Variants in LMTK2 observed in about 807,000 individuals in gnomAD.
LMTK2 encodes serine/threonine-protein kinase LMTK2.
A neutral mutation model predicts 127.5 loss-of-function variants in LMTK2; 37 were observed. That is an observed-to-expected ratio of 0.29 (90% CI 0.22 to 0.38). LMTK2 has a LOEUF of 0.38. Among genes scored for constraint, LMTK2 ranks in the 10% least tolerant of loss-of-function variants. LMTK2 has a pLI of 1.00. For synonymous variants in LMTK2, 819 were observed against 810.1 expected, an observed-to-expected ratio of 1.01 and a Z score of -0.19; for missense variants, 1,694 against 1,920.3, an observed-to-expected ratio of 0.88 and a Z score of 2.20.
At chr7:98,173,543 T>G (rs959733933) in intron 7 of LMTK2, among the ~76,000 whole-genome samples, 1 of 152,192 alleles carries the variant, frequency 6.6e-6, no homozygotes, top group Non-Finnish European at 1.5e-5. Context: ...GGTTTAATTT[T>G]AAAAGAGCAT....
At chr7:98,167,811 G>A (rs752604053) in intron 6 of LMTK2, among the ~76,000 whole-genome samples, 2 of 152,220 alleles carry the variant, frequency 1.3e-5, no homozygotes, top group African/African-American at 4.8e-5. Context: ...CCAGGACGGA[G>A]CTCCAGGGTC....
rs754608036 is a variant in LMTK2 at position 98,194,126 on chromosome 7, C to T, written c.3661C>T (p.Arg1221Cys). The T allele has an allele frequency of 8.7e-6, 14 of 1,613,966 alleles. No individual in the cohort carries two copies. Among genetic ancestry groups the T allele is most frequent in the East Asian group, 6.7e-5 (3 of 44,890 alleles). The stretch of plus-strand genomic sequence containing the variant: ...CGATGACTTCGAGACACAGGACGAT[C>T]GCCCCTGCACCCTCGCTTCCACGGG... ...SGDDFETQDD[R>C]PCTLASTGTN... Residue 1221 changes from arginine to cysteine, a missense_variant, in exon 11 of 14, where the codon CGC becomes TGC. Arg to Cys is a radical substitution (Grantham distance 180, BLOSUM62 -3). Around this residue, in one of 8 missense-constraint regions of LMTK2, gnomAD observed 554 missense variants for 567.7 expected, o/e 0.98. Transcript: ENST00000297293. This position sits in a 1 kb window ranked among gnomAD's most constrained non-coding sequence, Gnocchi z 5.4.
In LMTK2 at chr7:98,107,213, G is replaced by A; in HGVS notation, c.36G>A (p.Leu12=). ...CGCCGGCGTTGCGGCGGAGGCTGCT[G>A]CTGCTGCTGCTGGTCCTCCTGATCG... ...PGPPALRRRL[L]LLLLVLLIAG... is the part of the protein sequence containing the mutation. The change falls in exon 1 of 14, where the codon CTG becomes CTA. Residue 12 remains leucine (L), a synonymous_variant. Coordinates refer to ENST00000297293, the MANE Select transcript of LMTK2 (RefSeq NM_014916.4). The A allele has an allele frequency of 6.8e-7, 1 of 1,463,678 alleles. No individual in the cohort carries two copies. Among genetic ancestry groups the A allele is most frequent in the South Asian group, 1.3e-5 (1 of 76,084 alleles). 90.7% of individuals were successfully genotyped at this position (1,463,678 alleles called of 1,614,324 possible). A position where few individuals can be genotyped will look rare whatever the true frequency, so the allele number is the denominator to read the frequency against.
chr7:98,143,076 A>T (rs931219023), intron 3 of LMTK2, among the ~76,000 whole-genome samples: 5 of 152,226 alleles, frequency 3.3e-5, no homozygotes, highest in African/African-American at 1.2e-4. Flanking sequence ...TTCAGGATCT[A>T]CTGGGGATGG....
In LMTK2 at chr7:98,187,381, T is replaced by G. The variant is rs796568707; in HGVS notation, c.998+383T>G. ...TTATAGGAGTCAGTTTAATGGGAGC[T>G]AAAAAGATGCACCTAAAACTTTGAC... On this transcript the variant is annotated intron_variant, in intron 9 of 13. Transcript: ENST00000297293. 3.7e-4 allele frequency among the ~76,000 whole-genome samples: 57 copies of G among 152,310 alleles called. 1 individual carries two copies. The highest frequency in any genetic ancestry group is 1.3e-3 in the African/African-American group (55 of 41,554).
At chr7:98,167,871 A>G (rs1797125399) in intron 6 of LMTK2, among the ~76,000 whole-genome samples, 1 of 152,046 alleles carries the variant, frequency 6.6e-6, no homozygotes, top group African/African-American at 2.4e-5. Context: ...CCGAGGAAGG[A>G]GCGGCCAGTG....
chr7:98,131,790 C>T (rs991321687), intron 1 of LMTK2, among the ~76,000 whole-genome samples: 2 of 152,288 alleles, frequency 1.3e-5, no homozygotes. Context: ...TTCCTGATCC[C>T]TATTACCCGA....
At chr7:98,114,229 G>GT (rs200821705) in intron 1 of LMTK2, among the ~76,000 whole-genome samples, 6,766 of 143,186 alleles carry the variant, frequency 0.047, 227 homozygotes, top group South Asian at 0.14. Flanking sequence ...TATTATATGT[G>GT]TTTTTTTAAA....
At chr7:98,173,284 AAAC>A (rs2116428087) in intron 7 of LMTK2, among the ~76,000 whole-genome samples, 2 of 152,088 alleles carry the variant, frequency 1.3e-5, no homozygotes, top group South Asian at 4.2e-4. Flanking sequence ...TTACGATAGT[AAAC>A]AAATCATTCT....
At chr7:98,125,869 G>A (rs1796435894) in intron 1 of LMTK2, among the ~76,000 whole-genome samples, 1 of 152,160 alleles carries the variant, frequency 6.6e-6, no homozygotes, top group Non-Finnish European at 1.5e-5. Context: ...GAAGTAGAGA[G>A]AAGAGCATAA....
chr7:98,188,480 T>TAG (rs1287671822), intron 9 of LMTK2, among the ~76,000 whole-genome samples: 2 of 152,156 alleles, frequency 1.3e-5, no homozygotes, highest in Admixed American at 1.3e-4. Flanking sequence ...ATTTTTTTAG[T>TAG]AGAGACGAGG....
chr7:98,150,150 A>C (rs1796831734), intron 3 of LMTK2, among the ~76,000 whole-genome samples: 1 of 152,102 alleles, frequency 6.6e-6, no homozygotes, highest in Non-Finnish European at 1.5e-5. Flanking sequence ...TCTACTAAAA[A>C]TACAAAAAGT....
chr7:98,164,851 G>A (rs772030250), intron 6 of LMTK2, among the ~76,000 whole-genome samples: 6 of 152,224 alleles, frequency 3.9e-5, no homozygotes, highest in Non-Finnish European at 8.8e-5. Flanking sequence ...CTTTCTTATT[G>A]GTCAGCAATT....
rs367830342 is a variant in LMTK2, at chr7:98,146,063, CTG to C, written c.376+4524_376+4525del. ...GTCTCACTTAACAGTGTTTGAGAGA[CTG>C]TTGTTTTCCTATTGAATTGTCCTGG... On this transcript the variant is annotated intron_variant, in intron 3 of 13. Coordinates refer to ENST00000297293, the MANE Select transcript of LMTK2 (RefSeq NM_014916.4). Among the ~76,000 whole-genome samples the C allele has an allele frequency of 4.3e-3, 650 of 152,236 alleles. 3 individuals carry two copies. Among genetic ancestry groups the C allele is most frequent in the African/African-American group, 0.014 (583 of 41,532 alleles).
Position 98,192,748 on chromosome 7 carries a change from G to A in LMTK2, c.2283G>A (p.Thr761=), listed in dbSNP as rs56123416. ...GTTTTACTGAAGCTATGTTAGAAACGTCATGTAGAAACTCTTTAGATACTG... is the reference window on the plus strand; with the variant it reads ...GTTTTACTGAAGCTATGTTAGAAACATCATGTAGAAACTCTTTAGATACTG... The part of the protein sequence containing the change: ...NAGFTEAMLE[T]SCRNSLDTEL... The change falls in exon 11 of 14, where the codon ACG becomes ACA. Residue 761 remains threonine (T), a synonymous_variant. Transcript: ENST00000297293. 0.016 allele frequency: 25,638 copies of A among 1,613,406 alleles called. 274 individuals carry two copies. The highest frequency in any genetic ancestry group is 0.019 in the Non-Finnish European group (22,432 of 1,179,698).
chr7:98,200,363 GTAT>G (rs1438619561), intron 11 of LMTK2, among the ~76,000 whole-genome samples: 1 of 152,220 alleles, frequency 6.6e-6, no homozygotes, highest in Non-Finnish European at 1.5e-5. Flanking sequence ...GAAATGAATA[GTAT>G]TATACAGTTG....
At chr7:98,128,648 G>T (rs1418339701) in intron 1 of LMTK2, among the ~76,000 whole-genome samples, 1 of 152,170 alleles carries the variant, frequency 6.6e-6, no homozygotes, top group Non-Finnish European at 1.5e-5. Context: ...ATAGAGGTCC[G>T]AGGGCTGTGG....
intron 9 of LMTK2, among the ~76,000 whole-genome samples, chr7:98,188,363 G>A (rs1797471764): frequency 6.6e-6 from 1 of 152,010 alleles, no homozygotes; most frequent in African/African-American, 2.4e-5. Context: ...AGGACTCCTG[G>A]ACCATTTCTC....
Position 98,171,426 on chromosome 7 carries a change from C to A in LMTK2, c.658-115C>A. On this transcript the variant is annotated intron_variant, in intron 6 of 13. Coordinates refer to ENST00000297293, the MANE Select transcript of LMTK2 (RefSeq NM_014916.4). The surrounding 1 kb of genome is among the most constrained non-coding windows in gnomAD (Gnocchi z 5.1). ...GGGTTGGAACTTCTTTAAGTATGAACAAAAGAAGTTTCTAATAAATAATCT... is the reference window on the plus strand; with the variant it reads ...GGGTTGGAACTTCTTTAAGTATGAAAAAAAGAAGTTTCTAATAAATAATCT... 7.4e-7 allele frequency: 1 copy of A among 1,358,042 alleles called. No homozygotes were observed. Among genetic ancestry groups the A allele is most frequent in the Non-Finnish European group, 1.0e-6 (1 of 954,942 alleles). The allele number at this position is 1,358,042 out of a possible 1,614,324, so 84.1% of individuals were successfully genotyped here. A position where few individuals can be genotyped will look rare whatever the true frequency, so the allele number is the denominator to read the frequency against.
Sources: gnomAD v4.1 joint callset for allele counts (sites outside exome capture counted in the v4.1 genomes callset) on GRCh38, gnomAD v4.1.1 for gene constraint, gnomAD v4.1.1 regional missense constraint, Gnocchi (gnomAD v3.1) non-coding constraint, MANE v1.5 for transcripts, NCBI Gene and HGNC (gene_info 2026-07-23, HGNC 2026-07-21) for gene names.